The following SNX29 variants were observed in gnomAD, a reference collection of about 807,000 sequenced individuals.
SNX29 encodes the protein sorting nexin-29.
SNX29 carries 78 observed loss-of-function variants against 102.1 expected under a neutral mutation model. That is an observed-to-expected ratio of 0.76 (90% CI 0.64 to 0.92). SNX29 has a LOEUF of 0.92. SNX29 is among the 40% of genes least tolerant of loss of function. SNX29 has a pLI of 0.00. For missense variants in SNX29, 1,280 were observed against 1,061.7 expected (o/e 1.21, Z -2.86); for synonymous variants, 580 against 414.5 (o/e 1.40, Z -4.85).
At chr16:12,283,616 C>T (rs374573643) in intron 15 of SNX29, among the ~76,000 whole-genome samples, 2 of 152,110 alleles carry the variant, frequency 1.3e-5, no homozygotes, top group Non-Finnish European at 1.5e-5. Flanking sequence ...ACTTGCAGAG[C>T]GACTTCTGTT....
At chr16:12,194,633 T>G (rs958534631) in intron 13 of SNX29, among the ~76,000 whole-genome samples, 5 of 151,218 alleles carry the variant, frequency 3.3e-5, no homozygotes, top group Non-Finnish European at 7.4e-5. Flanking sequence ...TTTTTTTTTT[T>G]TTTTTTTTTA....
chr16:12,048,188 C>T (rs919133580), intron 6 of SNX29, among the ~76,000 whole-genome samples, 184 bp from the exon 7 acceptor site: 1 of 151,488 alleles, frequency 6.6e-6, no homozygotes, highest in Non-Finnish European at 1.5e-5. Flanking sequence ...TGCTTTGTCA[C>T]CCAGGCTGGA....
At chr16:11,983,789 T>C (rs1438321193) in intron 1 of SNX29, 1 of 786,024 alleles carries the variant, frequency 1.3e-6, no homozygotes, top group African/African-American at 1.9e-5. Context: ...TTCTCCAAAT[T>C]GTGGCAATGT....
intron 15 of SNX29, among the ~76,000 whole-genome samples, chr16:12,288,030 A>C (rs892737373): frequency 1.3e-5 from 2 of 152,312 alleles, no homozygotes; most frequent in East Asian, 3.9e-4. Context: ...TACAAAAAAA[A>C]ATTTTTTTAA....
In SNX29 at chr16:12,000,945, G is replaced by A. The variant is rs141910451; in HGVS notation, c.69+1587G>A. The stretch of plus-strand genomic sequence containing the variant: ...ATTGGATTGTTAAAGTAGGTAAAGG[G>A]CCTGGACAGAGCCTGGTCCTCTGTT... On this transcript the variant is annotated intron_variant, in intron 2 of 20. Coordinates refer to ENST00000566228, the MANE Select transcript of SNX29 (RefSeq NM_032167.5). Among the ~76,000 whole-genome samples, 29 of 152,300 alleles carry A rather than the reference G, an allele frequency of 1.9e-4. No individual in the cohort carries two copies. In the East Asian group the frequency reaches 4.6e-3, roughly 24 times the overall value.
At chr16:12,036,337 T>TC (rs1026533630) in intron 4 of SNX29, among the ~76,000 whole-genome samples, 3 of 145,580 alleles carry the variant, frequency 2.1e-5, no homozygotes, top group South Asian at 2.2e-4. Flanking sequence ...TTTCTTTCTT[T>TC]TTTTTTTTTT....
chr16:12,224,441 G>A (rs112048062), intron 14 of SNX29, among the ~76,000 whole-genome samples: 2,292 of 152,310 alleles, frequency 0.015, 42 homozygotes, highest in Admixed American at 0.043. Context: ...GGAGGGAGTG[G>A]TGACTACACC....
chr16:12,431,498 C>T (rs181132969), intron 18 of SNX29, among the ~76,000 whole-genome samples: 38 of 144,194 alleles, frequency 2.6e-4, no homozygotes, highest in Admixed American at 1.8e-3. Context: ...CCACAGTGTA[C>T]GAATGATGCT....
chr16:12,446,754 A>G (rs1321174331), intron 18 of SNX29, among the ~76,000 whole-genome samples: 1 of 152,184 alleles, frequency 6.6e-6, no homozygotes, highest in Admixed American at 6.5e-5. Context: ...AAACACTTAG[A>G]ATCGGCTCCA....
At chr16:12,555,574 C>G (rs933152338) in intron 20 of SNX29, among the ~76,000 whole-genome samples, 3 of 151,808 alleles carry the variant, frequency 2.0e-5, no homozygotes, top group South Asian at 2.1e-4. Context: ...CATCTCTCAC[C>G]TCCATTTCTC....
chr16:12,462,632 C>T (rs2086858714), intron 18 of SNX29, among the ~76,000 whole-genome samples: 1 of 152,066 alleles, frequency 6.6e-6, no homozygotes, highest in South Asian at 2.1e-4. Flanking sequence ...TCATACTTAT[C>T]AATATATCAT....
At chr16:12,165,408 A>G (rs2055975812) in intron 13 of SNX29, among the ~76,000 whole-genome samples, 1 of 152,232 alleles carries the variant, frequency 6.6e-6, no homozygotes. Flanking sequence ...GTCTCAGGTC[A>G]AGTCACTTAT....
At chr16:12,254,744 G>C (rs1301083144) in intron 14 of SNX29, among the ~76,000 whole-genome samples, 1 of 152,138 alleles carries the variant, frequency 6.6e-6, no homozygotes, top group East Asian at 1.9e-4. Context: ...GGAGAGCCCA[G>C]CTGTGTTGTG....
At chr16:12,566,156 C>T (rs993165268) in intron 20 of SNX29, among the ~76,000 whole-genome samples, 2 of 152,238 alleles carry the variant, frequency 1.3e-5, no homozygotes, top group Non-Finnish European at 2.9e-5. Flanking sequence ...TACAGAAACA[C>T]AGCTAGTTGG....
intron 15 of SNX29, among the ~76,000 whole-genome samples, chr16:12,341,343 A>G (rs2081604972): frequency 6.6e-6 from 1 of 152,210 alleles, no homozygotes; most frequent in Non-Finnish European, 1.5e-5. Flanking sequence ...CATGATACCT[A>G]CTTCCTGTGG....
At chr16:12,009,102 T>C (rs115814711) in intron 3 of SNX29, among the ~76,000 whole-genome samples, 16 of 152,342 alleles carry the variant, frequency 1.1e-4, no homozygotes, top group African/African-American at 3.8e-4. Context: ...CATTTACAAC[T>C]GTGATGGAGC....
intron 13 of SNX29, among the ~76,000 whole-genome samples, chr16:12,163,970 C>T (rs1567267957): frequency 6.6e-6 from 1 of 152,152 alleles, no homozygotes; most frequent in Non-Finnish European, 1.5e-5. Context: ...ACAGGTAGTA[C>T]AGCTCTCAAG....
At chr16:12,445,392 C>T (rs566381618) in intron 18 of SNX29, among the ~76,000 whole-genome samples, 27 of 152,246 alleles carry the variant, frequency 1.8e-4, no homozygotes, top group African/African-American at 4.1e-4. Context: ...CTCCATTCTA[C>T]GCTGTTCATT....
rs1259475126 is a variant in SNX29, at chr16:12,571,990, T to C, written c.*3361T>C. On this transcript the variant is annotated 3_prime_UTR_variant, in exon 21 of 21. Coordinates refer to ENST00000566228, the MANE Select transcript of SNX29 (RefSeq NM_032167.5). ...TGGTGGTAGCCATCTTCACATCCAGTCACCAGTTGCATCTAGGGAGCTGCT... is the reference window on the plus strand; with the variant it reads ...TGGTGGTAGCCATCTTCACATCCAGCCACCAGTTGCATCTAGGGAGCTGCT... 1.9e-6 allele frequency: 2 copies of C among 1,062,300 alleles called. No individual in the cohort carries two copies. The highest frequency in any genetic ancestry group is 3.3e-5 in the African/African-American group (2 of 60,986). The allele number at this position is 1,062,300 out of a possible 1,614,324, so 65.8% of individuals were successfully genotyped here.
Sources: allele counts gnomAD v4.1 joint callset (sites outside exome capture counted in the v4.1 genomes callset), GRCh38; gene constraint gnomAD v4.1.1; transcripts MANE v1.5; gene names NCBI Gene and HGNC (gene_info 2026-07-23, HGNC 2026-07-21).